The following DAB1 variants were observed in gnomAD, a reference collection of about 807,000 sequenced individuals.
DAB1 encodes the protein disabled homolog 1.
In DAB1, 15 loss-of-function variants were observed where a neutral mutation model predicts 64.6. The observed-to-expected ratio is 0.23, with a 90% CI of 0.16 to 0.36. DAB1 has a LOEUF of 0.36. DAB1 is among the 10% of genes least tolerant of loss of function. DAB1 has a pLI of 1.00. For synonymous variants in DAB1, 235 were observed against 251.9 expected, an observed-to-expected ratio of 0.93 and a Z score of 0.64; for missense variants, 596 against 706.7, an observed-to-expected ratio of 0.84 and a Z score of 1.78.
At chr1:57,317,511 G>A (rs1398796709) in intron 1 of DAB1, among the ~76,000 whole-genome samples, 2 of 152,102 alleles carry the variant, frequency 1.3e-5, no homozygotes, top group African/African-American at 4.8e-5. Flanking sequence ...ACCTCTATGG[G>A]CCTGTCCTAA....
chr1:58,409,295 T>C (rs1460561133), intron 3 of DAB1, among the ~76,000 whole-genome samples: 2 of 152,124 alleles, frequency 1.3e-5, no homozygotes, highest in African/African-American at 2.4e-5. Flanking sequence ...GATGAGAAAA[T>C]TGAACCTCAT....
chr1:57,828,877 T>A (rs1652469541), intron 1 of DAB1, among the ~76,000 whole-genome samples: 1 of 152,220 alleles, frequency 6.6e-6, no homozygotes, highest in South Asian at 2.1e-4. Flanking sequence ...AAATATCACC[T>A]AAGAATACAT....
At position 58,217,240 on chromosome 1, in the gene DAB1, TCC is replaced by T. The variant is rs1175763867; in HGVS notation, n.310-66654_310-66653del. ...AGAAACTTGTCCAAGTCTACTTGGCTCCAAAGCTTGTGCTCCTTGGACTCTGT... is the reference window on the plus strand; with the variant it reads ...AGAAACTTGTCCAAGTCTACTTGGCTAAAGCTTGTGCTCCTTGGACTCTGT... On this transcript the variant is annotated intron_variant and non_coding_transcript_variant, in intron 4 of 20. Coordinates refer to the DAB1 transcript ENST00000485760. Among the ~76,000 whole-genome samples the T allele has an allele frequency of 2.6e-5, 4 of 152,344 alleles. No individual in the cohort carries two copies. In the South Asian group the frequency reaches 8.3e-4, roughly 32 times the overall value.
At chr1:57,558,583 A>C (rs1645016487) in intron 7 of DAB1, among the ~76,000 whole-genome samples, 1 of 152,202 alleles carries the variant, frequency 6.6e-6, no homozygotes, top group African/African-American at 2.4e-5. Context: ...AGCCATGGGA[A>C]TAGATATTAA....
At chr1:57,927,309 G>T (rs1644893195) in intron 5 of DAB1, among the ~76,000 whole-genome samples, 1 of 152,104 alleles carries the variant, frequency 6.6e-6, no homozygotes, top group Admixed American at 6.6e-5. Context: ...GATAGCTTCA[G>T]TCTCAGTCTC....
At chr1:57,787,752 T>C (rs1650402837) in intron 6 of DAB1, among the ~76,000 whole-genome samples, 1 of 152,078 alleles carries the variant, frequency 6.6e-6, no homozygotes, top group Non-Finnish European at 1.5e-5. Context: ...GTAGAAAATG[T>C]TTATTTGCAA....
At chr1:57,007,441 T>C (rs1275054087) in intron 14 of DAB1, among the ~76,000 whole-genome samples, 4 of 152,206 alleles carry the variant, frequency 2.6e-5, no homozygotes, top group Non-Finnish European at 4.4e-5. Context: ...ATTATAATAT[T>C]ATTTTGGTTC....
In DAB1 at chr1:57,179,536, A is replaced by G. The variant is rs183880341; in HGVS notation, c.68-34107T>C. Among the ~76,000 whole-genome samples, 48 of 152,346 alleles carry G rather than the reference A, an allele frequency of 3.2e-4. 1 individual carries two copies. In the East Asian group the frequency reaches 8.9e-3, roughly 28 times the overall value. On this transcript the variant is annotated intron_variant, in intron 2 of 14. Coordinates refer to ENST00000371236, the MANE Select transcript of DAB1 (RefSeq NM_001365792.1). ...CATTGTATATCTGTCCCTGATTTAA[A>G]TGGCAGATCTCGTCTCCATTTCAGA...
chr1:58,543,453 CCTT>C (rs1294612733), intron 1 of DAB1, among the ~76,000 whole-genome samples: 1 of 152,108 alleles, frequency 6.6e-6, no homozygotes, highest in African/African-American at 2.4e-5. Context: ...AATTCTACCT[CCTT>C]CTTATCTCAT....
chr1:57,830,723 G>C (rs1652547098), intron 1 of DAB1, among the ~76,000 whole-genome samples: 1 of 152,088 alleles, frequency 6.6e-6, no homozygotes, highest in Non-Finnish European at 1.5e-5. Context: ...GTCTCTAACT[G>C]ATAAGACCGA....
chr1:57,063,960 T>C (rs943385326), intron 8 of DAB1, among the ~76,000 whole-genome samples: 3 of 152,192 alleles, frequency 2.0e-5, no homozygotes. Context: ...GGTTTTATAA[T>C]GGTCTGACAA....
intron 5 of DAB1, among the ~76,000 whole-genome samples, chr1:58,075,618 T>A (rs1451178423): frequency 3.9e-5 from 6 of 152,202 alleles, no homozygotes; most frequent in Non-Finnish European, 1.5e-5. Context: ...GCAGCATAAA[T>A]TAAGCTGTCC....
intron 2 of DAB1, among the ~76,000 whole-genome samples, chr1:57,238,869 A>ACG (rs1329951152): frequency 6.6e-6 from 1 of 151,206 alleles, no homozygotes; most frequent in African/African-American, 2.4e-5. Flanking sequence ...ATACACACAC[A>ACG]CACACACACA....
At chr1:57,493,839 C>T (rs1644196825) in intron 7 of DAB1, among the ~76,000 whole-genome samples, 1 of 151,842 alleles carries the variant, frequency 6.6e-6, no homozygotes, top group African/African-American at 2.4e-5. Flanking sequence ...ACTGAAAGAG[C>T]CAATCTCAAA....
Position 58,222,438 on chromosome 1 carries a change from C to A in DAB1, n.310-71850G>T, listed in dbSNP as rs538378672. On this transcript the variant is annotated intron_variant and non_coding_transcript_variant, in intron 4 of 20. Transcript: ENST00000485760. ...ATTCACTTCCTGGGCACTAACAATC[C>A]ATCCCTTTCTATAGAACTGACTTTC... Among the ~76,000 whole-genome samples the A allele has an allele frequency of 7.9e-5, 12 of 152,264 alleles. No individual in the cohort carries two copies. The South Asian group carries it at 2.5e-3, about 32-fold the overall frequency.
Position 58,269,016 on chromosome 1 carries a change from A to ATT in DAB1, n.309+74334_309+74335dup, listed in dbSNP as rs918984644. On this transcript the variant is annotated intron_variant and non_coding_transcript_variant, in intron 4 of 20. Coordinates refer to the DAB1 transcript ENST00000485760. Reference sequence around the variant, plus strand: ...GTCCTCTTGTTTTATTTTTTTATTTATTTTTTTTTTATTATACTTTAAGTT... The same window carrying ATT: ...GTCCTCTTGTTTTATTTTTTTATTTATTTTTTTTTTTTATTATACTTTAAGTT... 4.5e-4 allele frequency among the ~76,000 whole-genome samples: 10 copies of ATT among 22,320 alleles called. No homozygotes were observed. The South Asian group carries it at 0.012, about 28-fold the overall frequency. 14.6% of individuals were successfully genotyped at this position (22,320 alleles called of 152,430 possible).
At chr1:58,397,594 A>C (rs568518817) in intron 3 of DAB1, among the ~76,000 whole-genome samples, 1 of 152,248 alleles carries the variant, frequency 6.6e-6, no homozygotes, top group African/African-American at 2.4e-5. Flanking sequence ...CAATGCAGAG[A>C]TCCTCTCACA....
intron 2 of DAB1, among the ~76,000 whole-genome samples, chr1:57,199,556 G>A (rs571094687): frequency 1.3e-5 from 2 of 152,308 alleles, no homozygotes; most frequent in Non-Finnish European, 1.5e-5. Context: ...GGCTATGCAC[G>A]GGTCATTTCT....
chr1:58,439,336 C>T (rs530960241), intron 3 of DAB1, among the ~76,000 whole-genome samples: 1 of 152,118 alleles, frequency 6.6e-6, no homozygotes, highest in African/African-American at 2.4e-5. Context: ...CTTCTCTGTA[C>T]TCCTCAGTAC....
Sources: allele counts gnomAD v4.1 joint callset (sites outside exome capture counted in the v4.1 genomes callset), GRCh38; gene constraint gnomAD v4.1.1; transcripts MANE v1.5; gene names NCBI Gene and HGNC (gene_info 2026-07-23, HGNC 2026-07-21).